Variants in SH3RF1 observed in about 807,000 individuals in gnomAD.
The protein encoded by SH3RF1 is SH3 domain containing ring finger 1.
Under a neutral mutation model 74.0 loss-of-function variants are expected in SH3RF1, and 32 were observed. That is an observed-to-expected ratio of 0.43 (90% CI 0.33 to 0.58). SH3RF1 has a LOEUF of 0.58. Among genes scored for constraint, SH3RF1 ranks in the 20% least tolerant of loss-of-function variants. The pLI, the probability that SH3RF1 is intolerant of heterozygous loss-of-function variation, is 0.05. For missense variants in SH3RF1, 954 were observed against 1,130.9 expected, an observed-to-expected ratio of 0.84 and a Z score of 2.24; for synonymous variants, 396 against 439.6, an observed-to-expected ratio of 0.90 and a Z score of 1.24.
intron 4 of SH3RF1, among the ~76,000 whole-genome samples, chr4:169,144,152 T>A (rs892258385): frequency 9.2e-5 from 14 of 152,210 alleles, no homozygotes; most frequent in Admixed American, 3.9e-4. Flanking sequence ...TGGGTTAAAG[T>A]GCTCTGTAAC....
chr4:169,146,091 ATTCTATAT>A, intron 4 of SH3RF1, among the ~76,000 whole-genome samples: 1 of 127,620 alleles, frequency 7.8e-6, no homozygotes, highest in Admixed American at 7.8e-5. Flanking sequence ...TATTCTATAT[ATTCTATAT>A]AAAATGTTAT....
At chr4:169,156,117 G>A (rs1734046360) in intron 3 of SH3RF1, among the ~76,000 whole-genome samples, 1 of 152,106 alleles carries the variant, frequency 6.6e-6, no homozygotes, top group African/African-American at 2.4e-5. Context: ...AAATCCCTGA[G>A]TGGTGCATAC....
chr4:169,211,592 T>C (rs73863694), intron 2 of SH3RF1, among the ~76,000 whole-genome samples: 7,520 of 152,090 alleles, frequency 0.049, 333 homozygotes, highest in Admixed American at 0.15. Context: ...TTGTCTACTA[T>C]GAATAAGGGA....
intron 7 of SH3RF1, 38 bp downstream of exon 7, chr4:169,122,062 T>C (rs1200060204): frequency 1.9e-6 from 3 of 1,599,512 alleles, no homozygotes; most frequent in Non-Finnish European, 2.6e-6. Context: ...TTCGTTTAAA[T>C]GAACACATAA....
intron 10 of SH3RF1, among the ~76,000 whole-genome samples, chr4:169,113,769 T>C (rs1020808798): frequency 6.6e-6 from 1 of 152,150 alleles, no homozygotes; most frequent in Non-Finnish European, 1.5e-5. Flanking sequence ...TTTAGTGGAC[T>C]TGGAACACTA....
intron 2 of SH3RF1, among the ~76,000 whole-genome samples, chr4:169,186,206 T>G (rs1311341698): frequency 6.6e-6 from 1 of 152,120 alleles, no homozygotes; most frequent in African/African-American, 2.4e-5. Flanking sequence ...TATGGTAGCT[T>G]TAAGGAGAGT....
chr4:169,258,246 C>T (rs1015694749), intron 2 of SH3RF1, among the ~76,000 whole-genome samples: 1 of 152,200 alleles, frequency 6.6e-6, no homozygotes, highest in Non-Finnish European at 1.5e-5. Flanking sequence ...AGCTTCCACA[C>T]ATCATATATT....
Position 169,199,825 on chromosome 4 carries a change from C to T in SH3RF1, c.394-43146G>A, listed in dbSNP as rs149221558. 4.9e-4 allele frequency among the ~76,000 whole-genome samples: 74 copies of T among 152,226 alleles called. 1 individual carries two copies. The highest frequency in any genetic ancestry group is 1.5e-3 in the African/African-American group (62 of 41,552). The stretch of plus-strand genomic sequence containing the variant: ...TATTAAGGTAAGGTGACAGTAACAA[C>T]ATCAAACATTCAGCAAGCACGACAC... On this transcript the variant is annotated intron_variant, in intron 2 of 11. Coordinates refer to ENST00000284637, the MANE Select transcript of SH3RF1 (RefSeq NM_020870.4).
chr4:169,165,637 C>CG (rs33952582), intron 2 of SH3RF1, among the ~76,000 whole-genome samples: 12,813 of 146,820 alleles, frequency 0.087, 787 homozygotes, highest in East Asian at 0.21. Flanking sequence ...GAAAAAAAGG[C>CG]GGGGGGGGGA....
chr4:169,241,433 G>C (rs1454329260), intron 2 of SH3RF1, among the ~76,000 whole-genome samples: 4 of 152,182 alleles, frequency 2.6e-5, no homozygotes, highest in Non-Finnish European at 5.9e-5. Flanking sequence ...AGGATTACCT[G>C]GTCTAATTTT....
At chr4:169,210,317 C>G (rs1370112733) in intron 2 of SH3RF1, among the ~76,000 whole-genome samples, 1 of 152,184 alleles carries the variant, frequency 6.6e-6, no homozygotes. Flanking sequence ...GAAAACTGAA[C>G]TTTACCTTCT....
chr4:169,241,147 G>A (rs576023775), intron 2 of SH3RF1, among the ~76,000 whole-genome samples: 1 of 152,190 alleles, frequency 6.6e-6, no homozygotes, highest in South Asian at 2.1e-4. Context: ...GGAGAATGGC[G>A]TGAACCCAGG....
At chr4:169,226,896 G>A (rs1314002382) in intron 2 of SH3RF1, among the ~76,000 whole-genome samples, 2 of 152,180 alleles carry the variant, frequency 1.3e-5, no homozygotes, top group East Asian at 1.9e-4. Context: ...GCCAGGCATA[G>A]TGGCTTATGC....
At chr4:169,237,446 G>C (rs1579156207) in intron 2 of SH3RF1, among the ~76,000 whole-genome samples, 1 of 152,190 alleles carries the variant, frequency 6.6e-6, no homozygotes, top group African/African-American at 2.4e-5. Flanking sequence ...TTCAAGACCA[G>C]CTTGGGCAAT....
intron 2 of SH3RF1, 117 bp from the exon 3 acceptor site, chr4:169,156,796 G>T (rs112346162): frequency 6.8e-5 from 62 of 913,924 alleles, no homozygotes; most frequent in Middle Eastern, 7.0e-4. Context: ...TGTAACCCTT[G>T]AAGAAAATCT....
chr4:169,150,393 G>C (rs1489481936), intron 4 of SH3RF1, among the ~76,000 whole-genome samples: 3 of 152,038 alleles, frequency 2.0e-5, no homozygotes, highest in Non-Finnish European at 4.4e-5. Context: ...TCTTTATCAT[G>C]TATAAGATGA....
Position 169,223,668 on chromosome 4 carries a change from T to C in SH3RF1, c.393+45152A>G, listed in dbSNP as rs773840878. ...TCCATGTTCAAATATCTAAAGGAGCTTACTTTCTAATGGGGTGATGGGCAA... is the reference window on the plus strand; with the variant it reads ...TCCATGTTCAAATATCTAAAGGAGCCTACTTTCTAATGGGGTGATGGGCAA... On this transcript the variant is annotated intron_variant, in intron 2 of 11. Coordinates refer to ENST00000284637, the MANE Select transcript of SH3RF1 (RefSeq NM_020870.4). Among the ~76,000 whole-genome samples the C allele has an allele frequency of 3.3e-4, 51 of 152,340 alleles. No individual in the cohort carries two copies. The Middle Eastern group carries it at 0.01, about 30-fold the overall frequency.
intron 11 of SH3RF1, among the ~76,000 whole-genome samples, chr4:169,106,101 T>C (rs1733129680): frequency 6.6e-6 from 1 of 151,396 alleles, no homozygotes; most frequent in Non-Finnish European, 1.5e-5. Context: ...TGTGTGTATA[T>C]ATATTTATTA....
intron 2 of SH3RF1, among the ~76,000 whole-genome samples, chr4:169,177,601 C>A (rs1283296359): frequency 6.6e-6 from 1 of 152,128 alleles, no homozygotes; most frequent in Non-Finnish European, 1.5e-5. Context: ...AAGAATTAGT[C>A]TAAAAGAACT....
Sources: allele counts gnomAD v4.1 joint callset (sites outside exome capture counted in the v4.1 genomes callset), GRCh38; gene constraint gnomAD v4.1.1; transcripts MANE v1.5; gene names NCBI Gene and HGNC (gene_info 2026-07-23, HGNC 2026-07-21).